PCDH11X: variants seen among roughly 807,000 people sequenced by gnomAD.
The protein encoded by PCDH11X is protocadherin-11 X-linked.
In PCDH11X, 18 loss-of-function variants were observed where a neutral mutation model predicts 53.3. That is an observed-to-expected ratio of 0.34 (90% CI 0.23 to 0.50). The LOEUF is 0.50. PCDH11X is among the 20% of genes least tolerant of loss of function. The probability of loss-of-function intolerance (pLI) is 0.98; values close to 1 mark genes in which losing one functional copy is unlikely to be tolerated. For missense variants in PCDH11X, 570 were observed against 1,032.4 expected, an observed-to-expected ratio of 0.55 and a Z score of 6.14; for synonymous variants, 279 against 393.3, an observed-to-expected ratio of 0.71 and a Z score of 3.44.
intron 6 of PCDH11X, among the ~76,000 whole-genome samples, chrX:91,938,949 A>C (rs1299748877): frequency 9.0e-6 from 1 of 111,518 alleles, no homozygotes; most frequent in Non-Finnish European, 1.9e-5. Flanking sequence ...AAGCCAACAC[A>C]GTGAAATTCA....
rs1228471362 is a variant in PCDH11X, at chrX:92,542,365, A to G, written c.3367+74043A>G. On this transcript the variant is annotated intron_variant, in intron 10 of 10. Transcript: ENST00000682573. The stretch of plus-strand genomic sequence containing the variant: ...GTTGCCTGCAGCTCTGCACACAAAT[A>G]CTAATCTTCATCCCAATGATTTCCA... Among the ~76,000 whole-genome samples the G allele has an allele frequency of 2.7e-5, 3 of 111,847 alleles. No individual in the cohort carries two copies. The Admixed American group carries it at 2.8e-4, about 11-fold the overall frequency.
rs1312847407 is a variant in PCDH11X at position 92,618,798 on chromosome X, C to T, written c.3902C>T (p.Thr1301Ile). Residue 1301 changes from threonine to isoleucine, a missense_variant, in exon 11 of 11, where the codon ACA (threonine) becomes ATA (isoleucine). By Grantham distance (89) the Thr-to-Ile change is moderately conservative. Coordinates refer to ENST00000682573, the MANE Select transcript of PCDH11X (RefSeq NM_032968.5). Reference sequence around the variant, plus strand: ...GATCAGGGAGTGCAAGGTAGTGCAACATCTCAGTTTTACACCATGTCTGAA... The same window carrying T: ...GATCAGGGAGTGCAAGGTAGTGCAATATCTCAGTTTTACACCATGTCTGAA... The part of the protein sequence containing the change: ...SVDQGVQGSA[T>I]SQFYTMSERL... 2 of 1,211,864 alleles carry T rather than the reference C, an allele frequency of 1.7e-6. No individual in the cohort carries two copies. The highest frequency in any genetic ancestry group is 1.7e-5 in the African/African-American group (1 of 57,845).
rs141941922 is a variant in PCDH11X, at chrX:92,538,840, T to A, written c.3367+70518T>A. 4.8e-5 allele frequency among the ~76,000 whole-genome samples: 5 copies of A among 104,128 alleles called. No individual in the cohort carries two copies. The East Asian group carries it at 1.6e-3, about 33-fold the overall frequency. 90.4% of individuals were successfully genotyped at this position (104,128 alleles called of 115,157 possible). A position where few individuals can be genotyped will look rare whatever the true frequency, so the allele number is the denominator to read the frequency against. On this transcript the variant is annotated intron_variant, in intron 10 of 10. Coordinates refer to ENST00000682573, the MANE Select transcript of PCDH11X (RefSeq NM_032968.5). ...ATTACAGTGTTATAATATTCTGTGG[T>A]TTTCCATGTCCCTACTATTTCCAGT...
intron 8 of PCDH11X, among the ~76,000 whole-genome samples, chrX:92,337,751 C>A (rs188991222): frequency 7.2e-5 from 8 of 111,160 alleles, no homozygotes; most frequent in African/African-American, 2.3e-4. Flanking sequence ...TCCAGAAAGA[C>A]CATCTTCAGG....
chrX:92,535,370 A>T (rs962391888), intron 10 of PCDH11X, among the ~76,000 whole-genome samples: 1 of 111,678 alleles, frequency 9.0e-6, no homozygotes, highest in East Asian at 2.8e-4. Flanking sequence ...TGTCCTTTGG[A>T]GGAACACAGA....
At position 92,430,296 on chromosome X, in the gene PCDH11X, G is replaced by A. The variant is rs753207210; in HGVS notation, c.3344-38003G>A. Among the ~76,000 whole-genome samples, 23 of 92,080 alleles carry A rather than the reference G, an allele frequency of 2.5e-4. No homozygotes were observed. In the East Asian group the frequency reaches 6.3e-3, roughly 25 times the overall value. 80.0% of individuals were successfully genotyped at this position (92,080 alleles called of 115,157 possible). A position where few individuals can be genotyped will look rare whatever the true frequency, so the allele number is the denominator to read the frequency against. ...AATAACTGTTAAGAATTAATACTAT[G>A]CAATTTCCCATGGCAATTGATTACG... On this transcript the variant is annotated intron_variant, in intron 9 of 10. Transcript: ENST00000682573.
intron 5 of PCDH11X, among the ~76,000 whole-genome samples, chrX:91,869,968 T>C (rs748853019): frequency 5.1e-4 from 57 of 112,019 alleles, no homozygotes; most frequent in African/African-American, 1.7e-3. Context: ...AATGATTGGT[T>C]CCTCCTAGGA....
At chrX:92,245,746 T>G (rs1488302591) in intron 7 of PCDH11X, among the ~76,000 whole-genome samples, 1 of 112,084 alleles carries the variant, frequency 8.9e-6, no homozygotes, top group African/African-American at 3.2e-5. Context: ...TTGTTAAACC[T>G]TGGCCTTTTG....
At chrX:92,138,552 A>G (rs2065121832) in intron 6 of PCDH11X, among the ~76,000 whole-genome samples, 1 of 111,229 alleles carries the variant, frequency 9.0e-6, no homozygotes, top group Admixed American at 9.7e-5. Context: ...ATGCATTAAT[A>G]TGTGCATTGG....
chrX:92,212,596 C>T (rs915681662), intron 7 of PCDH11X, among the ~76,000 whole-genome samples: 21 of 111,792 alleles, frequency 1.9e-4, no homozygotes, highest in African/African-American at 6.2e-4. Context: ...GTGATCCACC[C>T]GCCTCGGCCT....
At chrX:92,060,995 T>C (rs990793378) in intron 6 of PCDH11X, among the ~76,000 whole-genome samples, 1 of 112,217 alleles carries the variant, frequency 8.9e-6, no homozygotes. Context: ...GCATTTATTA[T>C]TTTTTGACTT....
intron 9 of PCDH11X, among the ~76,000 whole-genome samples, chrX:92,404,469 C>T (rs1043920855): frequency 9.0e-6 from 1 of 111,096 alleles, no homozygotes; most frequent in Non-Finnish European, 1.9e-5. Flanking sequence ...AAGTCTTTCA[C>T]TCGATCACAT....
intron 4 of PCDH11X, among the ~76,000 whole-genome samples, chrX:91,828,442 C>T (rs1416322485): frequency 9.0e-6 from 1 of 111,254 alleles, no homozygotes; most frequent in Non-Finnish European, 1.9e-5. Flanking sequence ...CGAAATATGG[C>T]TTGTGGGTGT....
At chrX:92,435,298 C>T (rs1170681125) in intron 9 of PCDH11X, among the ~76,000 whole-genome samples, 1 of 110,255 alleles carries the variant, frequency 9.1e-6, no homozygotes, top group East Asian at 2.9e-4. Context: ...GTACAGAGGC[C>T]AAATCTACTA....
intron 8 of PCDH11X, among the ~76,000 whole-genome samples, chrX:92,284,764 T>C (rs772582856): frequency 8.9e-6 from 1 of 112,395 alleles, no homozygotes; most frequent in South Asian, 3.7e-4. Flanking sequence ...TAGATTTTAT[T>C]TGTGGGAAAA....
chrX:92,346,627 A>G (rs2069903313), intron 8 of PCDH11X, among the ~76,000 whole-genome samples: 1 of 112,233 alleles, frequency 8.9e-6, no homozygotes, highest in African/African-American at 3.2e-5. Flanking sequence ...TCAACATTTA[A>G]TAATAAATGC....
rs917155290 is a variant in PCDH11X at position 92,575,735 on chromosome X, T to C, written c.3368-42529T>C. ...AAATATATTTTCAGAACACAATGAA[T>C]CCAATTAGCTACACAGGTAAACTAT... On this transcript the variant is annotated intron_variant, in intron 10 of 10. Transcript: ENST00000682573. Among the ~76,000 whole-genome samples, 5 of 105,252 alleles carry C rather than the reference T, an allele frequency of 4.8e-5. No individual in the cohort carries two copies. In the Admixed American group the frequency reaches 5.3e-4, roughly 11 times the overall value. The allele number at this position is 105,252 out of a possible 115,157, so 91.4% of individuals were successfully genotyped here.
At chrX:92,159,692 A>G (rs1204758447) in intron 6 of PCDH11X, among the ~76,000 whole-genome samples, 1 of 99,538 alleles carries the variant, frequency 1.0e-5, no homozygotes, top group Non-Finnish European at 2.0e-5. Flanking sequence ...ATTGACTTTT[A>G]TTAGTGATTC....
chrX:92,073,713 G>A (rs2063735785), intron 6 of PCDH11X, among the ~76,000 whole-genome samples: 1 of 112,010 alleles, frequency 8.9e-6, no homozygotes, highest in Non-Finnish European at 1.9e-5. Context: ...AGTTCTTTAG[G>A]GGTAGTAGGA....
Sources: gnomAD v4.1 joint callset for allele counts (sites outside exome capture counted in the v4.1 genomes callset) on GRCh38, gnomAD v4.1.1 for gene constraint, MANE v1.5 for transcripts, NCBI Gene and HGNC (gene_info 2026-07-23, HGNC 2026-07-21) for gene names.